ANKRD30B: variants seen among roughly 807,000 people sequenced by gnomAD.
ANKRD30B encodes the protein ankyrin repeat domain-containing protein 30B.
Under a neutral mutation model 202.2 loss-of-function variants are expected in ANKRD30B, and 144 were observed. That is an observed-to-expected ratio of 0.71 (90% CI 0.62 to 0.82). The LOEUF (loss-of-function observed/expected upper bound fraction) is 0.82. Among genes scored for constraint, ANKRD30B ranks in the 40% least tolerant of loss-of-function variants. The pLI, the probability that ANKRD30B is intolerant of heterozygous loss-of-function variation, is 0.00. For missense variants in ANKRD30B, 1,487 were observed against 1,669.1 expected (o/e 0.89, Z 1.90); for synonymous variants, 508 against 561.3 (o/e 0.91, Z 1.34).
chr18:14,904,267 C>T, the ANKRD30B span, among the ~76,000 whole-genome samples: 1 of 152,180 alleles, frequency 6.6e-6, no homozygotes, highest in Non-Finnish European at 1.5e-5. Context: ...CTGTCCTGGC[C>T]GTGTGTCTAA....
intron 39 of ANKRD30B, among the ~76,000 whole-genome samples, chr18:14,848,369 C>T (rs1489982148): frequency 6.6e-6 from 1 of 152,154 alleles, no homozygotes; most frequent in African/African-American, 2.4e-5. Context: ...CCTTGCTCAA[C>T]TGCTTCCTTT....
chr18:14,808,609 A>G (rs752613794), intron 25 of ANKRD30B, 30 bp downstream of exon 25: 17 of 1,574,794 alleles, frequency 1.1e-5, no homozygotes, highest in Non-Finnish European at 1.5e-5. Context: ...TATGTTGAAT[A>G]TTAACTACAT....
chr18:14,842,812 G>A, intron 37 of ANKRD30B, 85 bp from the exon 38 acceptor site: 2 of 1,323,102 alleles, frequency 1.5e-6, no homozygotes, highest in Non-Finnish European at 2.1e-6. Context: ...TGAGAAAAAG[G>A]ACTTAGATAC....
At chr18:14,758,640 A>G (rs759205766) in intron 5 of ANKRD30B, among the ~76,000 whole-genome samples, 12 of 152,200 alleles carry the variant, frequency 7.9e-5, no homozygotes, top group Non-Finnish European at 1.3e-4. Flanking sequence ...TTTGCCACAC[A>G]CATAGTGAGC....
At chr18:14,766,493 A>AAAAAAAAAAAGAAAAGAAAAGAAAAG (rs1567989711) in intron 7 of ANKRD30B, among the ~76,000 whole-genome samples, 9 of 84,980 alleles carry the variant, frequency 1.1e-4, no homozygotes, top group Non-Finnish European at 1.9e-4. Context: ...AAAAAAAAAA[A>AAAAAAAAAAAGAAAAGAAAAGAAAAG]AAAAGAAAAG....
Position 14,820,242 on chromosome 18 carries a change from T to G in ANKRD30B, c.2642-2241T>G, listed in dbSNP as rs911160682. Among the ~76,000 whole-genome samples the G allele has an allele frequency of 3.6e-4, 55 of 152,222 alleles. 1 individual carries two copies. Among genetic ancestry groups the G allele is most frequent in the Non-Finnish European group, 8.8e-5 (6 of 68,052 alleles). ...CCTGAGACTTTGCTGAATTTGCTTA[T>G]CAGCTTAAGGAGATTTTGGGTTGAG... On this transcript the variant is annotated intron_variant, in intron 30 of 43. Coordinates refer to ENST00000690538, the MANE Select transcript of ANKRD30B (RefSeq NM_001367607.2).
chr18:14,912,819 A>G, the ANKRD30B span, among the ~76,000 whole-genome samples: 685 of 152,328 alleles, frequency 4.5e-3, 4 homozygotes, highest in Middle Eastern at 0.024. Flanking sequence ...TTGGATTTCT[A>G]CTTGCCTGGT....
chr18:14,824,550 G>A (rs530289962), intron 32 of ANKRD30B, among the ~76,000 whole-genome samples: 1 of 151,864 alleles, frequency 6.6e-6, no homozygotes, highest in Non-Finnish European at 1.5e-5. Context: ...TTAGAATAAT[G>A]ATTTCTCATT....
At chr18:14,914,800 G>A in the ANKRD30B span, among the ~76,000 whole-genome samples, 5 of 152,108 alleles carry the variant, frequency 3.3e-5, no homozygotes, top group East Asian at 1.9e-4. Flanking sequence ...GGGGGTTGTC[G>A]TGTTTTAGGT....
chr18:14,816,581 A>G (rs1970119364), intron 30 of ANKRD30B: 1 of 149,600 alleles, frequency 6.7e-6, no homozygotes, highest in African/African-American at 2.5e-5. Context: ...TGAGGCAGAG[A>G]TTGCAGTGAG....
At chr18:14,843,554 T>TGTGTGTGC in intron 39 of ANKRD30B, among the ~76,000 whole-genome samples, 1 of 166 alleles carries the variant, frequency 6.0e-3, no homozygotes, top group South Asian at 0.12. Flanking sequence ...GCTTACTTTC[T>TGTGTGTGC]GTGTGTGTGT....
At position 14,755,738 on chromosome 18, in the gene ANKRD30B, A is replaced by C. The variant is rs1483221790; in HGVS notation, c.617+733A>C. Among the ~76,000 whole-genome samples, 3 of 152,158 alleles carry C rather than the reference A, an allele frequency of 2.0e-5. No homozygotes were observed. The South Asian group carries it at 6.2e-4, about 32-fold the overall frequency. On this transcript the variant is annotated intron_variant, in intron 4 of 43. Coordinates refer to ENST00000690538, the MANE Select transcript of ANKRD30B (RefSeq NM_001367607.2). ...TTCCTACAAAGGACATGAACTCATC[A>C]TTTTTTATGGCTGCATAGTATTCCA...
chr18:14,898,051 G>T, the ANKRD30B span, among the ~76,000 whole-genome samples: 1 of 152,112 alleles, frequency 6.6e-6, no homozygotes, highest in African/African-American at 2.4e-5. Flanking sequence ...AGTGCAGGGT[G>T]AAAAAATTAA....
chr18:14,887,200 A>G, the ANKRD30B span, among the ~76,000 whole-genome samples: 1 of 152,068 alleles, frequency 6.6e-6, no homozygotes, highest in African/African-American at 2.4e-5. Flanking sequence ...CATCTTTGTA[A>G]TAATCCTGTT....
At chr18:14,809,638 C>G (rs1969790292) in intron 26 of ANKRD30B, among the ~76,000 whole-genome samples, 2 of 150,872 alleles carry the variant, frequency 1.3e-5, no homozygotes, top group Non-Finnish European at 1.5e-5. Context: ...GATGCAAAAC[C>G]TCCCTGACTG....
At chr18:14,891,367 A>G in the ANKRD30B span, among the ~76,000 whole-genome samples, 1 of 145,628 alleles carries the variant, frequency 6.9e-6, no homozygotes, top group African/African-American at 2.6e-5. Flanking sequence ...TGTTGCATAT[A>G]AAGCCCTGTT....
At chr18:14,860,419 A>ACAGGG in the ANKRD30B span, among the ~76,000 whole-genome samples, 1 of 109,786 alleles carries the variant, frequency 9.1e-6, no homozygotes, top group Non-Finnish European at 1.9e-5. Flanking sequence ...CACCTCCCAG[A>ACAGGG]TGGGGCAGCC....
the ANKRD30B span, among the ~76,000 whole-genome samples, chr18:14,935,283 T>A: frequency 2.0e-5 from 3 of 152,196 alleles, no homozygotes; most frequent in Non-Finnish European, 1.5e-5. Context: ...ACTTAGAGGA[T>A]GAGCTTTCCA....
the ANKRD30B span, among the ~76,000 whole-genome samples, chr18:14,930,050 CA>C: frequency 6.6e-6 from 1 of 152,158 alleles, no homozygotes; most frequent in Non-Finnish European, 1.5e-5. Flanking sequence ...GAGGATACTT[CA>C]GCCATGTTAG....
Sources: allele counts gnomAD v4.1 joint callset (sites outside exome capture counted in the v4.1 genomes callset), GRCh38; gene constraint gnomAD v4.1.1; transcripts MANE v1.5; gene names NCBI Gene and HGNC (gene_info 2026-07-23, HGNC 2026-07-21).